The following SMTN variants were observed in gnomAD, a reference collection of about 807,000 sequenced individuals.
SMTN encodes smoothelin.
Under a neutral mutation model 102.0 loss-of-function variants are expected in SMTN, and 58 were observed. That is an observed-to-expected ratio of 0.57 (90% CI 0.46 to 0.71). The LOEUF (loss-of-function observed/expected upper bound fraction) is 0.71. Among genes scored for constraint, SMTN ranks in the 30% least tolerant of loss-of-function variants. The pLI, the probability that SMTN is intolerant of heterozygous loss-of-function variation, is 0.00. For synonymous variants in SMTN, 478 were observed against 497.9 expected (o/e 0.96, Z 0.53); for missense variants, 1,185 against 1,241.7 (o/e 0.95, Z 0.69).
chr22:31,077,796 G>A (rs921839345), upstream of SMTN, among the ~76,000 whole-genome samples: 5 of 152,212 alleles, frequency 3.3e-5, no homozygotes, highest in Non-Finnish European at 5.9e-5. Context: ...TGGCACTGTT[G>A]CCCAGAGAAC....
chr22:31,086,851 A>T (rs2042737249), intron 2 of SMTN, among the ~76,000 whole-genome samples: 1 of 152,148 alleles, frequency 6.6e-6, no homozygotes, highest in South Asian at 2.1e-4. Context: ...GGGCCAGCCC[A>T]CACTCCCTGC....
chr22:31,099,019 C>T (rs775276026), intron 17 of SMTN, 43 bp from the exon 18 acceptor site: 10 of 1,577,686 alleles, frequency 6.3e-6, no homozygotes, highest in Non-Finnish European at 7.8e-6. Flanking sequence ...CCGAGGCATG[C>T]CCCTTATAGT....
chr22:31,088,234 C>T (rs2042848119), intron 3 of SMTN, 121 bp downstream of exon 3: 12 of 1,127,174 alleles, frequency 1.1e-5, no homozygotes, highest in African/African-American at 4.7e-5. Flanking sequence ...AATGGCAGTA[C>T]GTCCACACAC....
rs529958196 is a variant in SMTN, at chr22:31,090,282, T to C, written c.865+102T>C. ...GGCTCTTGTGCCTGGCAGCTCTAGC[T>C]TCCTCAGGTCCATGCAGTCCCTGAT... On this transcript the variant is annotated intron_variant, in intron 8 of 20. Transcript: ENST00000333137. 6.5e-6 allele frequency: 6 copies of C among 920,126 alleles called. No homozygotes were observed. The East Asian group carries it at 1.6e-4, about 24-fold the overall frequency. The allele number at this position is 920,126 out of a possible 1,614,324, so 57.0% of individuals were successfully genotyped here. A position where few individuals can be genotyped will look rare whatever the true frequency, so the allele number is the denominator to read the frequency against.
rs973044387 is a variant in SMTN at position 31,088,869 on chromosome 22, C to G, written c.374-3C>G. The stretch of plus-strand genomic sequence containing the variant: ...CACCTGCCACTTGCTCCTTCCCTTC[C>G]AGCTGCCACCTTGGCTGGGAGGTTG... On this transcript the variant is annotated splice_polypyrimidine_tract_variant and splice_region_variant and intron_variant, in intron 5 of 20. Coordinates refer to ENST00000333137, the MANE Select transcript of SMTN (RefSeq NM_134269.3). 7 of 1,613,972 alleles carry G rather than the reference C, an allele frequency of 4.3e-6. No homozygotes were observed. Among genetic ancestry groups the G allele is most frequent in the Non-Finnish European group, 5.9e-6 (7 of 1,179,972 alleles).
At position 31,090,875 on chromosome 22, in the gene SMTN, C is replaced by T; in HGVS notation, c.933C>T (p.Asn311=). ...TCAGCCCCCGCCAACCAGCCCAGAA[C>T]CGAGGTACTACCTATTCTCACCCTG... ...SVLSPRQPAQ[N]RESTPLASGP... The change falls in exon 9 of 21, where the codon AAC becomes AAT. Residue 311 remains asparagine (N), a synonymous_variant. Coordinates refer to ENST00000333137, the MANE Select transcript of SMTN (RefSeq NM_134269.3). The T allele has an allele frequency of 6.2e-7, 1 of 1,614,002 alleles. No homozygotes were observed. Among genetic ancestry groups the T allele is most frequent in the Non-Finnish European group, 8.5e-7 (1 of 1,179,942 alleles).
At chr22:31,082,062 C>T (rs1419545887) in intron 1 of SMTN, 1 of 156,986 alleles carries the variant, frequency 6.4e-6, no homozygotes, top group African/African-American at 2.4e-5. Context: ...AGCGGTAACC[C>T]TCACCCCCCA....
At chr22:31,086,543 C>G (rs1389196581) in intron 2 of SMTN, among the ~76,000 whole-genome samples, 2 of 152,122 alleles carry the variant, frequency 1.3e-5, no homozygotes, top group Non-Finnish European at 2.9e-5. Context: ...TCCTGACTGG[C>G]TAGAACCAAG....
Position 31,090,127 on chromosome 22 carries a change from A to G in SMTN, c.812A>G (p.Glu271Gly). 6.2e-7 allele frequency: 1 copy of G among 1,612,732 alleles called. No individual in the cohort carries two copies. Among genetic ancestry groups the G allele is most frequent in the Non-Finnish European group, 8.5e-7 (1 of 1,179,338 alleles). The change falls in exon 8 of 21, where the codon GAG becomes GGG. Residue 271 changes from glutamate (E) to glycine (G), a missense_variant. Coordinates refer to ENST00000333137, the MANE Select transcript of SMTN (RefSeq NM_134269.3). ...VVNKLLSGPKETPAAQSPTRG... is the reference protein window; with the variant it reads ...VVNKLLSGPKGTPAAQSPTRG... ...TTGCAGCTTCTGTCTGGCCCCAAAG[A>G]GACCCCTGCTGCCCAGAGCCCCACC...
At chr22:31,080,603 A>G (rs1482209133), upstream of SMTN, 1 of 152,196 alleles carries the variant, frequency 6.6e-6, no homozygotes, top group Non-Finnish European at 1.5e-5. Context: ...GGTCTTGGAC[A>G]TGTCAGCTCT....
chr22:31,103,066 G>A (rs1242935776), intron 20 of SMTN: 2 of 152,230 alleles, frequency 1.3e-5, no homozygotes, highest in African/African-American at 4.8e-5. Context: ...CAACTGGTTA[G>A]GGATACAGTC....
At chr22:31,093,705 A>C (rs1453435304) in intron 11 of SMTN, 2 of 1,086,730 alleles carry the variant, frequency 1.8e-6, no homozygotes, top group Non-Finnish European at 2.8e-6. Context: ...TGGGGGTCCC[A>C]CTTGTGTCCG....
At chr22:31,082,833 T>C in intron 1 of SMTN, 3 of 1,502,774 alleles carry the variant, frequency 2.0e-6, no homozygotes, top group Middle Eastern at 4.5e-4. Context: ...GTGCACCCCC[T>C]GGTGGTAAGC....
At chr22:31,080,939 G>A (rs1431593807), upstream of SMTN, among the ~76,000 whole-genome samples, 1 of 152,192 alleles carries the variant, frequency 6.6e-6, no homozygotes. Flanking sequence ...CGAGAAAGGG[G>A]TGGAGTCGAG....
Position 31,091,257 on chromosome 22 carries a change from C to A in SMTN, c.1234C>A (p.Gln412Lys). ...CCTGGCCCAGCTTCGAAGCTGCCCC[C>A]AGGAGGAGGGCCCCAGGGGGCGGGG... is the stretch of plus-strand genomic sequence containing the variant. Reference protein sequence around the residue: ...QPLAQLRSCPQEEGPRGRGLA... With the variant: ...QPLAQLRSCPKEEGPRGRGLA... Residue 412 changes from glutamine to lysine, a missense_variant, in exon 10 of 21, where the codon CAG becomes AAG. Physicochemically the swap from Gln to Lys is moderately conservative, Grantham distance 53. Transcript: ENST00000333137. 6.2e-7 allele frequency: 1 copy of A among 1,602,868 alleles called. No homozygotes were observed. Among genetic ancestry groups the A allele is most frequent in the Non-Finnish European group, 8.5e-7 (1 of 1,175,016 alleles).
chr22:31,083,143 G>C (rs2042423680), intron 1 of SMTN, 36 bp from the exon 2 acceptor site: 1 of 1,553,796 alleles, frequency 6.4e-7, no homozygotes, highest in Admixed American at 2.0e-5. Flanking sequence ...GTTTCTGGAA[G>C]CCCCAGCATG....
At chr22:31,077,922 C>T (rs1345558734), upstream of SMTN, among the ~76,000 whole-genome samples, 1 of 152,244 alleles carries the variant, frequency 6.6e-6, no homozygotes, top group Non-Finnish European at 1.5e-5. Flanking sequence ...CAGTTCTGCA[C>T]ATAAGGAGGA....
At chr22:31,070,923 C>CAAA (rs111579063) in intron 1 of SMTN, among the ~76,000 whole-genome samples, 5 of 104,456 alleles carry the variant, frequency 4.8e-5, no homozygotes, top group South Asian at 3.4e-4. Context: ...AACTCTGTCT[C>CAAA]AAAAAAAAAA....
chr22:31,080,550 T>C (rs1393781349), upstream of SMTN: 2 of 152,232 alleles, frequency 1.3e-5, no homozygotes, highest in African/African-American at 4.8e-5. Context: ...TAGCTTTGCC[T>C]TGTGGATCTG....
Sources: gnomAD v4.1 joint callset for allele counts (sites outside exome capture counted in the v4.1 genomes callset) on GRCh38, gnomAD v4.1.1 for gene constraint, MANE v1.5 for transcripts, NCBI Gene and HGNC (gene_info 2026-07-23, HGNC 2026-07-21) for gene names.